ADD1: variants seen among roughly 807,000 people sequenced by gnomAD.
ADD1 encodes adducin 1, also known as alpha-adducin.
A neutral mutation model predicts 80.5 loss-of-function variants in ADD1; 24 were observed. That is an observed-to-expected ratio of 0.30 (90% confidence interval 0.22 to 0.42). The LOEUF is 0.42. ADD1 is among the 10% of genes least tolerant of loss of function. The pLI, the probability that ADD1 is intolerant of heterozygous loss-of-function variation, is 1.00. For missense variants in ADD1, 948 were observed against 1,019.0 expected, an observed-to-expected ratio of 0.93 and a Z score of 0.95; for synonymous variants, 373 against 393.8, an observed-to-expected ratio of 0.95 and a Z score of 0.63.
chr4:2,858,845 T>C (rs1476225442), intron 1 of ADD1, among the ~76,000 whole-genome samples: 2 of 152,154 alleles, frequency 1.3e-5, no homozygotes, highest in African/African-American at 2.4e-5. Context: ...AATAAACATA[T>C]TTACTATTAT....
intron 6 of ADD1, 62 bp from the exon 7 acceptor site, chr4:2,898,122 A>G (rs980802365): frequency 8.5e-6 from 13 of 1,527,740 alleles, no homozygotes; most frequent in African/African-American, 4.2e-5. Flanking sequence ...AGCATTTACC[A>G]TATCATCAGT....
intron 1 of ADD1, chr4:2,855,088 G>C (rs977067927): frequency 6.6e-6 from 1 of 152,106 alleles, no homozygotes; most frequent in African/African-American, 2.4e-5. Flanking sequence ...ATTTTATAAG[G>C]ATACTGGTGA....
chr4:2,872,849 C>T (rs1370418848), intron 1 of ADD1, among the ~76,000 whole-genome samples: 1 of 152,098 alleles, frequency 6.6e-6, no homozygotes, highest in Non-Finnish European at 1.5e-5. Flanking sequence ...CATGAGCCAC[C>T]ACGCCTGACC....
intron 3 of ADD1, among the ~76,000 whole-genome samples, chr4:2,883,887 G>T (rs772398859): frequency 5.3e-5 from 8 of 152,076 alleles, no homozygotes; most frequent in Non-Finnish European, 1.0e-4. Context: ...TAGCCAGGAT[G>T]GTCTCGATCT....
At chr4:2,869,218 C>T (rs1199269897) in intron 1 of ADD1, among the ~76,000 whole-genome samples, 1 of 152,176 alleles carries the variant, frequency 6.6e-6, no homozygotes, top group Non-Finnish European at 1.5e-5. Context: ...AATGTGTCAT[C>T]TCACAGTTCT....
Position 2,852,138 on chromosome 4 carries a change from TTTTCTTTC to T in ADD1, c.-21+8167_-21+8174del, listed in dbSNP as rs754218185. Reference sequence around the variant, plus strand: ...GGCATGAGCCACAGCACCCGGCCTCTTTTCTTTCTTTCTTTCTTTCTTTCTTTCTTTCT... The same window carrying T: ...GGCATGAGCCACAGCACCCGGCCTCTTTTCTTTCTTTCTTTCTTTCTTTCT... On this transcript the variant is annotated intron_variant, in intron 1 of 15. Transcript: ENST00000683351. 6.6e-3 allele frequency among the ~76,000 whole-genome samples: 649 copies of T among 97,620 alleles called. 21 individuals carry two copies. Among genetic ancestry groups the T allele is most frequent in the African/African-American group, 0.018 (436 of 23,710 alleles). The allele number at this position is 97,620 out of a possible 152,430, so 64.0% of individuals were successfully genotyped here.
intron 9 of ADD1, among the ~76,000 whole-genome samples, chr4:2,903,706 T>C (rs1176334739): frequency 3.3e-5 from 5 of 152,236 alleles, no homozygotes; most frequent in African/African-American, 1.2e-4. Context: ...ATCTCACCTG[T>C]GCTCAAGGTG....
At chr4:2,917,663 G>A (rs193172285) in intron 14 of ADD1, among the ~76,000 whole-genome samples, 28 of 152,206 alleles carry the variant, frequency 1.8e-4, no homozygotes, top group African/African-American at 6.3e-4. Flanking sequence ...TATGGTTTTA[G>A]GTCTTATGTT....
chr4:2,860,344 A>G (rs1486905136), intron 1 of ADD1, among the ~76,000 whole-genome samples: 1 of 152,172 alleles, frequency 6.6e-6, no homozygotes, highest in East Asian at 1.9e-4. Context: ...TACAAAACCC[A>G]ATTTGATATG....
chr4:2,915,464 C>T (rs939499913), intron 14 of ADD1, among the ~76,000 whole-genome samples: 7 of 152,186 alleles, frequency 4.6e-5, no homozygotes, highest in East Asian at 3.8e-4. Context: ...TACGATGAAA[C>T]GCCGTCTCTA....
intron 1 of ADD1, among the ~76,000 whole-genome samples, chr4:2,858,662 T>C (rs926583129): frequency 6.6e-6 from 1 of 152,206 alleles, no homozygotes; most frequent in African/African-American, 2.4e-5. Context: ...GATGGTTGGC[T>C]TATCTTTAGT....
chr4:2,898,511 G>T lies in ADD1; in HGVS notation c.964G>T (p.Val322Leu). The change falls in exon 8 of 16, where the codon GTG becomes TTG. Residue 322 changes from valine (V) to leucine (L), a missense_variant. Coordinates refer to ENST00000683351, the MANE Select transcript of ADD1 (RefSeq NM_001354761.2). ...EEAFYYIHNL[V>L]VACEIQVRTL... ...GGCCTTCTATTACATCCATAACCTT[G>T]TGGTTGCCTGTGAGATCCAGGTAGG... The T allele has an allele frequency of 6.2e-7, 1 of 1,614,130 alleles. No individual in the cohort carries two copies. The highest frequency in any genetic ancestry group is 8.5e-7 in the Non-Finnish European group (1 of 1,180,014).
intron 2 of ADD1, among the ~76,000 whole-genome samples, chr4:2,879,428 G>A (rs1012222214): frequency 2.6e-5 from 4 of 152,122 alleles, no homozygotes; most frequent in East Asian, 1.9e-4. Flanking sequence ...CTAAAACAGC[G>A]CCTGGTACTT....
chr4:2,859,977 T>G (rs1294316314), intron 1 of ADD1, among the ~76,000 whole-genome samples: 6 of 151,910 alleles, frequency 3.9e-5, no homozygotes, highest in Non-Finnish European at 7.4e-5. Context: ...TAATCCCTCC[T>G]TACGTGTTTA....
At chr4:2,880,718 G>A (rs1040823755) in intron 2 of ADD1, among the ~76,000 whole-genome samples, 12 of 151,774 alleles carry the variant, frequency 7.9e-5, no homozygotes, top group East Asian at 5.8e-4. Flanking sequence ...CTCGTGATCC[G>A]CCCGCCTCGG....
intron 6 of ADD1, among the ~76,000 whole-genome samples, chr4:2,897,762 A>T (rs569679359): frequency 3.3e-5 from 5 of 152,052 alleles, no homozygotes; most frequent in African/African-American, 1.2e-4. Context: ...GGCTCAAGTG[A>T]TCCACCTGCC....
rs1725778599 is a variant in ADD1 at position 2,844,027 on chromosome 4, G to A, written c.-21+3G>A. 6.6e-6 allele frequency: 1 copy of A among 152,040 alleles called. No homozygotes were observed. Among genetic ancestry groups the A allele is most frequent in the South Asian group, 1.8e-4 (1 of 5,658 alleles). 9.4% of individuals were successfully genotyped at this position (152,040 alleles called of 1,614,324 possible). A position where few individuals can be genotyped will look rare whatever the true frequency, so the allele number is the denominator to read the frequency against. On this transcript the variant is annotated splice_donor_region_variant and intron_variant, in intron 1 of 15. Coordinates refer to ENST00000683351, the MANE Select transcript of ADD1 (RefSeq NM_001354761.2). ...GCTGCCCACGATTCGCTTCTGAGGT[G>A]AGGCTAGCTAGCGGGGGCGGCGGGG...
chr4:2,914,866 T>A lies in ADD1; in HGVS notation c.1792-18T>A, dbSNP rs770212055. 6.2e-7 allele frequency: 1 copy of A among 1,600,352 alleles called. No individual in the cohort carries two copies. The highest frequency in any genetic ancestry group is 8.5e-7 in the Non-Finnish European group (1 of 1,172,648). On this transcript the variant is annotated intron_variant, in intron 13 of 15. Transcript: ENST00000683351. The stretch of plus-strand genomic sequence containing the variant: ...TCGGGCCGGGCTCCTGCAGACCAGA[T>A]GTGCCTTTCATCCACAGGGAGAGCT...
chr4:2,894,849 A>C (rs566890019), intron 6 of ADD1, 118 bp downstream of exon 6: 2 of 970,670 alleles, frequency 2.1e-6, no homozygotes, highest in Non-Finnish European at 2.8e-6. Context: ...TGTTGAATAT[A>C]AAAAAAAAGG....
Sources: allele counts gnomAD v4.1 joint callset (sites outside exome capture counted in the v4.1 genomes callset), GRCh38; gene constraint gnomAD v4.1.1; transcripts MANE v1.5; gene names NCBI Gene and HGNC (gene_info 2026-07-23, HGNC 2026-07-21).